DMD: variants seen among roughly 807,000 people sequenced by gnomAD.
DMD encodes dystrophin, also known as mutant dystrophin.
Under a neutral mutation model 330.1 loss-of-function variants are expected in DMD, and 63 were observed. That is an observed-to-expected ratio of 0.19 (90% CI 0.16 to 0.24). The LOEUF is 0.24. Ranked by LOEUF, DMD falls within the 10% of genes least tolerant of loss-of-function variation. The pLI, the probability that DMD is intolerant of heterozygous loss-of-function variation, is 1.00. For missense variants in DMD, 3,344 were observed against 2,684.1 expected, an observed-to-expected ratio of 1.25 and a Z score of -5.43; for synonymous variants, 1,223 against 959.8, an observed-to-expected ratio of 1.27 and a Z score of -5.07.
intron 60 of DMD, among the ~76,000 whole-genome samples, chrX:31,387,259 C>T (rs910222216): frequency 2.7e-5 from 3 of 111,863 alleles, no homozygotes; most frequent in African/African-American, 9.7e-5. Flanking sequence ...TCAAAGAGCA[C>T]AATTTGAGAG....
intron 53 of DMD, among the ~76,000 whole-genome samples, chrX:31,662,726 G>GT (rs2081198084): frequency 9.0e-6 from 1 of 111,556 alleles, no homozygotes; most frequent in Non-Finnish European, 1.9e-5. Context: ...CATTAACCTT[G>GT]TAAGTCCCAG....
At chrX:33,055,132 C>G (rs1318589428) in intron 1 of DMD, among the ~76,000 whole-genome samples, 1 of 111,390 alleles carries the variant, frequency 9.0e-6, no homozygotes, top group Non-Finnish European at 1.9e-5. Context: ...GAGCAACCCT[C>G]CAAGAAAATG....
At chrX:33,228,278 A>AGTGTGTGTGTGTGT (rs60369848) in intron 1 of DMD, among the ~76,000 whole-genome samples, 172 of 93,470 alleles carry the variant, frequency 1.8e-3, no homozygotes, top group African/African-American at 4.5e-3. Flanking sequence ...CCCAAGTTTA[A>AGTGTGTGTGTGTGT]GTGTGTGTGT....
At chrX:31,823,718 A>G (rs1442025943) in intron 49 of DMD, among the ~76,000 whole-genome samples, 3 of 109,560 alleles carry the variant, frequency 2.7e-5, no homozygotes, top group African/African-American at 1.0e-4. Flanking sequence ...ACTCAGTACT[A>G]CTACTGAGTA....
chrX:32,294,465 A>G (rs2085924250), intron 42 of DMD, among the ~76,000 whole-genome samples: 1 of 111,743 alleles, frequency 8.9e-6, no homozygotes, highest in Non-Finnish European at 1.9e-5. Flanking sequence ...TGAGGATTTG[A>G]GCTTGCAAAG....
At chrX:33,194,745 T>C (rs2050833918) in intron 1 of DMD, among the ~76,000 whole-genome samples, 1 of 111,345 alleles carries the variant, frequency 9.0e-6, no homozygotes, top group Non-Finnish European at 1.9e-5. Context: ...AGCTAAGTTT[T>C]CTCATAAAAT....
rs1168925392 is a variant in DMD at position 32,992,708 on chromosome X, A to G, written c.93+27431T>C. 3.6e-5 allele frequency among the ~76,000 whole-genome samples: 4 copies of G among 110,319 alleles called. 1 individual carries two copies. The highest frequency in any genetic ancestry group is 1.9e-5 in the Non-Finnish European group (1 of 52,862). ...GATCACCTGAGGTCATGAGTTCAAG[A>G]CCAGCCTGGTCAACATGGTGAAACC... On this transcript the variant is annotated intron_variant, in intron 2 of 78. Transcript: ENST00000357033.
chrX:31,215,275 T>C (rs1169077922), intron 64 of DMD, among the ~76,000 whole-genome samples: 10 of 105,984 alleles, frequency 9.4e-5, no homozygotes, highest in Non-Finnish European at 1.7e-4. Flanking sequence ...GAAAACCTAA[T>C]ATAATGTTGC....
chrX:32,401,534 T>C (rs901708049), intron 30 of DMD, among the ~76,000 whole-genome samples: 2 of 110,701 alleles, frequency 1.8e-5, no homozygotes, highest in Non-Finnish European at 3.8e-5. Context: ...ACTATGGAGA[T>C]AGAGAGTAGA....
At chrX:31,224,117 T>C (rs1459904884) in intron 63 of DMD, among the ~76,000 whole-genome samples, 2 of 112,019 alleles carry the variant, frequency 1.8e-5, no homozygotes, top group Admixed American at 9.5e-5. Context: ...AAAAAGCTCC[T>C]TGAAGACAAG....
intron 44 of DMD, among the ~76,000 whole-genome samples, chrX:32,100,292 T>A (rs1407382061): frequency 9.2e-6 from 1 of 108,779 alleles, no homozygotes; most frequent in Non-Finnish European, 1.9e-5. Context: ...CTCATTTAAC[T>A]GAAAAGCTTT....
chrX:32,832,628 G>A (rs2079245806), intron 4 of DMD, among the ~76,000 whole-genome samples: 1 of 111,349 alleles, frequency 9.0e-6, no homozygotes, highest in African/African-American at 3.3e-5. Flanking sequence ...TAAATATAAT[G>A]CATTTTAAAA....
chrX:31,271,223 G>T (rs1455832035), intron 62 of DMD, among the ~76,000 whole-genome samples: 1 of 111,557 alleles, frequency 9.0e-6, no homozygotes, highest in Non-Finnish European at 1.9e-5. Flanking sequence ...GATGAATCCA[G>T]TCTTGAACAT....
intron 1 of DMD, among the ~76,000 whole-genome samples, chrX:33,297,126 C>A (rs758271411): frequency 2.3e-4 from 26 of 111,108 alleles, no homozygotes; most frequent in African/African-American, 8.1e-4. Context: ...TAAATTTAAA[C>A]CAAATTAATA....
At chrX:33,193,108 A>G (rs1264653322) in intron 1 of DMD, among the ~76,000 whole-genome samples, 1 of 111,795 alleles carries the variant, frequency 8.9e-6, no homozygotes, top group Non-Finnish European at 1.9e-5. Context: ...GAAGTTCAAG[A>G]CCAGCCTGGC....
intron 44 of DMD, among the ~76,000 whole-genome samples, chrX:32,146,223 T>C (rs977113150): frequency 4.5e-5 from 5 of 112,265 alleles, no homozygotes; most frequent in African/African-American, 1.6e-4. Flanking sequence ...TTTTTCAGTC[T>C]TGTAATTTAT....
At position 31,119,656 on chromosome X, in the gene DMD, C is replaced by CTATT. The variant is rs1393260694; in HGVS notation, c.*2259_*2262dup. 8.9e-6 allele frequency: 1 copy of CTATT among 111,961 alleles called. No homozygotes were observed. Among genetic ancestry groups the CTATT allele is most frequent in the Non-Finnish European group, 1.9e-5 (1 of 52,964 alleles). 9.2% of individuals were successfully genotyped at this position (111,961 alleles called of 1,213,427 possible). A position where few individuals can be genotyped will look rare whatever the true frequency, so the allele number is the denominator to read the frequency against. ...ATTAAAACAAAATTATTTATGCACTCTATTTACCTCTGATTTTAGAATGAA... is the reference window on the plus strand; with the variant it reads ...ATTAAAACAAAATTATTTATGCACTCTATTTATTTACCTCTGATTTTAGAATGAA... On this transcript the variant is annotated 3_prime_UTR_variant, in exon 79 of 79. Transcript: ENST00000357033.
intron 7 of DMD, among the ~76,000 whole-genome samples, chrX:32,796,271 A>G (rs2076171699): frequency 9.0e-6 from 1 of 111,630 alleles, no homozygotes; most frequent in Non-Finnish European, 1.9e-5. Flanking sequence ...ACATATATAC[A>G]GTGGAATACT....
intron 12 of DMD, among the ~76,000 whole-genome samples, chrX:32,612,178 G>A (rs2057229982): frequency 9.0e-6 from 1 of 111,608 alleles, no homozygotes; most frequent in Non-Finnish European, 1.9e-5. Flanking sequence ...CTGAAAGACT[G>A]TGGAGAATAT....
Sources: allele counts gnomAD v4.1 joint callset (sites outside exome capture counted in the v4.1 genomes callset), GRCh38; gene constraint gnomAD v4.1.1; transcripts MANE v1.5; gene names NCBI Gene and HGNC (gene_info 2026-07-23, HGNC 2026-07-21).